OSTF1: variants seen among roughly 807,000 people sequenced by gnomAD.
The protein encoded by OSTF1 is osteoclast stimulating factor 1.
A neutral mutation model predicts 37.2 loss-of-function variants in OSTF1; 27 were observed. The observed-to-expected ratio is 0.73, with a 90% confidence interval of 0.54 to 1.00. The LOEUF (loss-of-function observed/expected upper bound fraction) is 1.00. Ranked by LOEUF, OSTF1 falls within the 50% of genes least tolerant of loss-of-function variation. OSTF1 has a pLI of 0.00. For synonymous variants in OSTF1, 82 were observed against 89.2 expected (o/e 0.92, Z 0.46); for missense variants, 232 against 253.8 (o/e 0.91, Z 0.58).
Position 75,088,704 on chromosome 9 carries a change from G to A in OSTF1, c.12G>A (p.Pro4=), listed in dbSNP as rs774723679. The A allele has an allele frequency of 6.2e-7, 1 of 1,609,056 alleles. No individual in the cohort carries two copies. The highest frequency in any genetic ancestry group is 8.5e-7 in the Non-Finnish European group (1 of 1,177,552). The change falls in exon 1 of 10, where the codon CCG becomes CCA. Residue 4 remains proline, a synonymous_variant. Transcript: ENST00000346234. The part of the protein sequence containing the change: MSK[P]PPKPVKPGQV... ...CTCCAGGAAGCGAGATGTCGAAGCCGCCACCCAAACCAGTCAAACCAGGTG... is the reference window on the plus strand; with the variant it reads ...CTCCAGGAAGCGAGATGTCGAAGCCACCACCCAAACCAGTCAAACCAGGTG...
At chr9:75,104,407 C>T (rs1373837820) in intron 1 of OSTF1, among the ~76,000 whole-genome samples, 1 of 151,990 alleles carries the variant, frequency 6.6e-6, no homozygotes, top group African/African-American at 2.4e-5. Flanking sequence ...GTTAGCCGGG[C>T]ATGGTGGCTG....
intron 1 of OSTF1, among the ~76,000 whole-genome samples, chr9:75,099,167 A>G (rs1825144907): frequency 6.6e-6 from 1 of 151,908 alleles, no homozygotes; most frequent in African/African-American, 2.4e-5. Flanking sequence ...CGAACTCCTG[A>G]TCTTAGGTAA....
intron 1 of OSTF1, among the ~76,000 whole-genome samples, chr9:75,092,729 GAA>G (rs1824997753): frequency 6.6e-6 from 1 of 151,980 alleles, no homozygotes; most frequent in African/African-American, 2.4e-5. Context: ...TTTCAAAAAA[GAA>G]AATAAAAACA....
At chr9:75,143,103 C>T (rs1825968994) in intron 9 of OSTF1, among the ~76,000 whole-genome samples, 1 of 152,078 alleles carries the variant, frequency 6.6e-6, no homozygotes, top group Non-Finnish European at 1.5e-5. Context: ...CGATGCCCGG[C>T]TAATTTTTGT....
At chr9:75,140,593 A>G (rs17060860) in intron 8 of OSTF1, among the ~76,000 whole-genome samples, 21,651 of 152,190 alleles carry the variant, frequency 0.14, 2,402 homozygotes, top group African/African-American at 0.31. Context: ...TTCACATGCA[A>G]TTCTATAGGG....
intron 2 of OSTF1, among the ~76,000 whole-genome samples, chr9:75,122,547 T>TA (rs1302748924): frequency 6.6e-6 from 1 of 152,242 alleles, no homozygotes; most frequent in African/African-American, 2.4e-5. Flanking sequence ...GGCCAGCTGT[T>TA]AATCTGGTCA....
chr9:75,127,570 C>T lies in OSTF1; in HGVS notation c.83C>T (p.Pro28Leu). The T allele has an allele frequency of 6.4e-7, 1 of 1,563,326 alleles. No individual in the cohort carries two copies. The highest frequency in any genetic ancestry group is 8.7e-7 in the Non-Finnish European group (1 of 1,148,926). ...RALYTFEPRT[P>L]DELYFEEGDI... Reference sequence around the variant, plus strand: ...GTCAAACTTTTTTTTTTCTTCTAGCCAGATGAATTATACTTTGAGGAAGGT... The same window carrying T: ...GTCAAACTTTTTTTTTTCTTCTAGCTAGATGAATTATACTTTGAGGAAGGT... The change falls in exon 3 of 10, where the codon CCA becomes CTA. Residue 28 changes from proline to leucine, a missense_variant and splice_region_variant. Transcript: ENST00000346234.
intron 2 of OSTF1, among the ~76,000 whole-genome samples, chr9:75,126,336 T>C (rs1436655868): frequency 6.6e-6 from 1 of 152,246 alleles, no homozygotes; most frequent in Non-Finnish European, 1.5e-5. Flanking sequence ...AAGCAACACA[T>C]GCTCATGACA....
intron 2 of OSTF1, among the ~76,000 whole-genome samples, chr9:75,119,021 C>T (rs1290833417): frequency 6.6e-6 from 1 of 152,220 alleles, no homozygotes; most frequent in African/African-American, 2.4e-5. Context: ...CTGGGTTTGC[C>T]CCAGACCCTG....
intron 1 of OSTF1, among the ~76,000 whole-genome samples, chr9:75,113,174 T>C (rs1035304561): frequency 1.3e-5 from 2 of 152,110 alleles, no homozygotes; most frequent in Non-Finnish European, 2.9e-5. Flanking sequence ...TATTAAGATG[T>C]TTAGAAGAAT....
chr9:75,096,555 G>A (rs1472606969), intron 1 of OSTF1, among the ~76,000 whole-genome samples: 2 of 151,874 alleles, frequency 1.3e-5, no homozygotes, highest in East Asian at 3.9e-4. Context: ...CCTTTACAAG[G>A]GTCTCCCTGG....
At chr9:75,110,301 A>G (rs920914960) in intron 1 of OSTF1, among the ~76,000 whole-genome samples, 1 of 152,064 alleles carries the variant, frequency 6.6e-6, no homozygotes, top group African/African-American at 2.4e-5. Context: ...TACTGTTTCC[A>G]TAGTTTTGCC....
chr9:75,110,325 C>T (rs913661952), intron 1 of OSTF1, among the ~76,000 whole-genome samples: 1 of 152,166 alleles, frequency 6.6e-6, no homozygotes. Flanking sequence ...TCCAGAATGT[C>T]ATATAGTTGG....
rs140932825 is a variant in OSTF1 at position 75,133,388 on chromosome 9, C to T, written c.345C>T (p.His115=). 7.4e-5 allele frequency: 118 copies of T among 1,597,172 alleles called. No homozygotes were observed. The African/African-American group carries it at 1.1e-3, about 14-fold the overall frequency. Residue 115 remains histidine (H), a synonymous_variant, in exon 6 of 10, where the codon CAC becomes CAT. Coordinates refer to ENST00000346234, the MANE Select transcript of OSTF1 (RefSeq NM_012383.5). ...GCACTGCCTTATACTGGGCTTGCCACGGGGGCCACAAAGGTATTACATTTT... is the reference window on the plus strand; with the variant it reads ...GCACTGCCTTATACTGGGCTTGCCATGGGGGCCACAAAGGTATTACATTTT... ...AGSTALYWAC[H]GGHKDIVEML...
rs542575686 is a variant in OSTF1 at position 75,133,908 on chromosome 9, A to C, written c.359-438A>C. ...TAGATGTATTTCTTCCTGGACAAAA[A>C]TTTATCACCCACCGCTTTTCTACCT... On this transcript the variant is annotated intron_variant, in intron 6 of 9. Coordinates refer to ENST00000346234, the MANE Select transcript of OSTF1 (RefSeq NM_012383.5). Among the ~76,000 whole-genome samples, 7 of 152,310 alleles carry C rather than the reference A, an allele frequency of 4.6e-5. No individual in the cohort carries two copies. In the East Asian group the frequency reaches 1.4e-3, roughly 29 times the overall value.
In OSTF1 at chr9:75,133,388, C is replaced by G. The variant is rs140932825; in HGVS notation, c.345C>G (p.His115Gln). 1.3e-6 allele frequency: 2 copies of G among 1,597,056 alleles called. No individual in the cohort carries two copies. The highest frequency in any genetic ancestry group is 2.7e-5 in the African/African-American group (2 of 74,572). ...AGSTALYWAC[H>Q]GGHKDIVEML... Reference sequence around the variant, plus strand: ...GCACTGCCTTATACTGGGCTTGCCACGGGGGCCACAAAGGTATTACATTTT... The same window carrying G: ...GCACTGCCTTATACTGGGCTTGCCAGGGGGGCCACAAAGGTATTACATTTT... Residue 115 changes from histidine (H) to glutamine (Q), a missense_variant, in exon 6 of 10, where the codon CAC becomes CAG. His to Gln is a conservative substitution (Grantham distance 24). Transcript: ENST00000346234.
At chr9:75,100,184 C>T (rs1825165091) in intron 1 of OSTF1, among the ~76,000 whole-genome samples, 2 of 152,122 alleles carry the variant, frequency 1.3e-5, no homozygotes, top group South Asian at 4.1e-4. Context: ...AGCCACTGCC[C>T]CAGAGAGCAC....
intron 2 of OSTF1, among the ~76,000 whole-genome samples, chr9:75,120,375 T>A (rs1235707331): frequency 6.6e-6 from 1 of 152,058 alleles, no homozygotes; most frequent in Non-Finnish European, 1.5e-5. Flanking sequence ...TTATCAGTTG[T>A]GTCCTGATTG....
At chr9:75,114,839 C>T (rs1485583641) in intron 1 of OSTF1, among the ~76,000 whole-genome samples, 6 of 152,204 alleles carry the variant, frequency 3.9e-5, no homozygotes, top group Non-Finnish European at 7.3e-5. Flanking sequence ...CAGGCATGAG[C>T]CACCATGCCT....
Sources: gnomAD v4.1 joint callset for allele counts (sites outside exome capture counted in the v4.1 genomes callset) on GRCh38, gnomAD v4.1.1 for gene constraint, MANE v1.5 for transcripts, NCBI Gene and HGNC (gene_info 2026-07-23, HGNC 2026-07-21) for gene names.